Variants in GPC5 observed in about 807,000 individuals in gnomAD.
The protein encoded by GPC5 is glypican 5.
Under a neutral mutation model 53.9 loss-of-function variants are expected in GPC5, and 47 were observed. That is an observed-to-expected ratio of 0.87 (90% CI 0.69 to 1.11). The LOEUF is 1.11. GPC5 is among the 50% of genes most tolerant of loss of function. The probability of loss-of-function intolerance (pLI) is 0.00; values close to 1 mark genes in which losing one functional copy is unlikely to be tolerated. For missense variants in GPC5, 748 were observed against 713.1 expected (o/e 1.05, Z -0.56); for synonymous variants, 286 against 263.3 (o/e 1.09, Z -0.84).
intron 7 of GPC5, among the ~76,000 whole-genome samples, chr13:92,602,759 A>G (rs1235752758): frequency 6.6e-6 from 1 of 152,218 alleles, no homozygotes; most frequent in Non-Finnish European, 1.5e-5. Context: ...AAACAAGTTC[A>G]AAAGAATTGC....
intron 2 of GPC5, among the ~76,000 whole-genome samples, chr13:91,545,579 C>T (rs2030235554): frequency 1.3e-5 from 2 of 151,982 alleles, no homozygotes; most frequent in Non-Finnish European, 2.9e-5. Context: ...ACCCTTTTAT[C>T]ATATTTTAAG....
chr13:92,773,435 C>A (rs1409264), intron 7 of GPC5, among the ~76,000 whole-genome samples: 39,915 of 151,902 alleles, frequency 0.26, 6,457 homozygotes, highest in East Asian at 0.68. Flanking sequence ...TCACTCTCCT[C>A]ATGATGAATT....
intron 6 of GPC5, among the ~76,000 whole-genome samples, chr13:92,100,390 A>C (rs567062846): frequency 6.6e-6 from 1 of 152,318 alleles, no homozygotes; most frequent in East Asian, 1.9e-4. Flanking sequence ...CGACAGAGTG[A>C]GACCTCATCT....
chr13:91,987,911 G>A (rs911410024), intron 6 of GPC5, among the ~76,000 whole-genome samples: 2 of 142,176 alleles, frequency 1.4e-5, no homozygotes, highest in Non-Finnish European at 3.0e-5. Context: ...ATAATCATAC[G>A]ATGTAGTATA....
chr13:92,471,246 A>G (rs1566604998), intron 7 of GPC5, among the ~76,000 whole-genome samples: 1 of 152,098 alleles, frequency 6.6e-6, no homozygotes, highest in Non-Finnish European at 1.5e-5. Flanking sequence ...TTTTTATTTT[A>G]TAGCTTTCTA....
chr13:92,007,894 C>T (rs1438396322), intron 6 of GPC5, among the ~76,000 whole-genome samples: 1 of 152,062 alleles, frequency 6.6e-6, no homozygotes, highest in Non-Finnish European at 1.5e-5. Flanking sequence ...TGTACACCTT[C>T]ACATATGAGG....
Position 92,851,763 on chromosome 13 carries a change from C to T in GPC5, c.1562-14519C>T, listed in dbSNP as rs576896281. On this transcript the variant is annotated intron_variant, in intron 7 of 7. Transcript: ENST00000377067. ...AATTAGCCAGGCGTGGTGGTGGGTG[C>T]CTGTAGTCCCAGCTGCTCAGGAGGC... is the stretch of plus-strand genomic sequence containing the variant. Among the ~76,000 whole-genome samples, 871 of 150,792 alleles carry T rather than the reference C, an allele frequency of 5.8e-3. 7 individuals carry two copies. The highest frequency in any genetic ancestry group is 0.01 in the Middle Eastern group (3 of 292).
chr13:91,476,056 C>T (rs1021219144), intron 2 of GPC5, among the ~76,000 whole-genome samples: 25 of 152,202 alleles, frequency 1.6e-4, no homozygotes, highest in Admixed American at 6.6e-4. Context: ...TAAAAGCATA[C>T]CTGCATTGTT....
intron 7 of GPC5, among the ~76,000 whole-genome samples, chr13:92,184,606 G>C (rs532608772): frequency 6.6e-6 from 1 of 152,008 alleles, no homozygotes; most frequent in Non-Finnish European, 1.5e-5. Flanking sequence ...TGGTTGTTCT[G>C]GATTTAATTC....
intron 2 of GPC5, among the ~76,000 whole-genome samples, chr13:91,542,474 T>G (rs2030001163): frequency 6.6e-6 from 1 of 152,226 alleles, no homozygotes; most frequent in East Asian, 1.9e-4. Flanking sequence ...GTCAGTGTAA[T>G]GTCAAAGTTA....
chr13:92,126,817 AGT>A (rs71120073), intron 6 of GPC5, among the ~76,000 whole-genome samples: 10 of 149,906 alleles, frequency 6.7e-5, no homozygotes, highest in East Asian at 2.0e-4. Flanking sequence ...GAAAAGTTGG[AGT>A]GTGTGTGTGT....
intron 7 of GPC5, among the ~76,000 whole-genome samples, chr13:92,547,121 C>T (rs1882145828): frequency 6.6e-6 from 1 of 152,076 alleles, no homozygotes; most frequent in Admixed American, 6.6e-5. Context: ...GGTGCATTCA[C>T]ATTTGGGGGA....
chr13:92,267,119 A>G (rs2042807864), intron 7 of GPC5, among the ~76,000 whole-genome samples: 1 of 152,106 alleles, frequency 6.6e-6, no homozygotes, highest in African/African-American at 2.4e-5. Context: ...TAATAAGCAT[A>G]CATGTAAACT....
intron 7 of GPC5, among the ~76,000 whole-genome samples, chr13:92,556,923 T>C (rs1284787373): frequency 6.6e-6 from 1 of 151,832 alleles, no homozygotes; most frequent in Admixed American, 6.6e-5. Flanking sequence ...AGTATTCCCC[T>C]ATAAACAGGA....
intron 5 of GPC5, among the ~76,000 whole-genome samples, chr13:91,830,567 A>T (rs2038639348): frequency 6.6e-6 from 1 of 151,812 alleles, no homozygotes; most frequent in Non-Finnish European, 1.5e-5. Context: ...CAGTAAAGAC[A>T]GGCATAGGAA....
chr13:92,398,873 C>G (rs879025610), intron 7 of GPC5, among the ~76,000 whole-genome samples: 5 of 152,160 alleles, frequency 3.3e-5, no homozygotes, highest in Admixed American at 3.3e-4. Flanking sequence ...CCAAGTCCAG[C>G]TGAATCTACT....
chr13:92,700,596 G>A (rs1887702496), intron 7 of GPC5, among the ~76,000 whole-genome samples: 1 of 151,918 alleles, frequency 6.6e-6, no homozygotes, highest in Non-Finnish European at 1.5e-5. Context: ...TTTTTCAAAT[G>A]TGTTTCTGCT....
At chr13:91,454,925 T>C (rs533050739) in intron 2 of GPC5, among the ~76,000 whole-genome samples, 3 of 152,202 alleles carry the variant, frequency 2.0e-5, no homozygotes, top group Non-Finnish European at 4.4e-5. Flanking sequence ...TTTAATCTTA[T>C]GCAGAGGGAA....
chr13:92,354,491 C>T (rs140430617), intron 7 of GPC5, among the ~76,000 whole-genome samples: 7 of 152,262 alleles, frequency 4.6e-5, no homozygotes, highest in African/African-American at 1.2e-4. Flanking sequence ...GACTAACATT[C>T]GTAATTTATT....
Sources: allele counts gnomAD v4.1 joint callset (sites outside exome capture counted in the v4.1 genomes callset), GRCh38; gene constraint gnomAD v4.1.1; transcripts MANE v1.5; gene names NCBI Gene and HGNC (gene_info 2026-07-23, HGNC 2026-07-21).